GSR: variants seen among roughly 807,000 people sequenced by gnomAD.
The protein encoded by GSR is glutathione-disulfide reductase.
In GSR, 48 loss-of-function variants were observed where a neutral mutation model predicts 56.5. That is an observed-to-expected ratio of 0.85 (90% CI 0.67 to 1.08). GSR has a LOEUF of 1.08. Among genes scored for constraint, GSR ranks in the 50% least tolerant of loss-of-function variants. The pLI is 0.00. For synonymous variants in GSR, 264 were observed against 270.8 expected (o/e 0.97, Z 0.25); for missense variants, 694 against 703.3 (o/e 0.99, Z 0.15).
At chr8:30,700,989 T>C (rs1803717812) in intron 5 of GSR, among the ~76,000 whole-genome samples, 1 of 152,102 alleles carries the variant, frequency 6.6e-6, no homozygotes, top group African/African-American at 2.4e-5. Context: ...GCCACACAAT[T>C]TTACATTGGC....
intron 4 of GSR, among the ~76,000 whole-genome samples, chr8:30,703,466 C>T (rs1168421729): frequency 6.6e-6 from 1 of 152,076 alleles, no homozygotes; most frequent in Non-Finnish European, 1.5e-5. Flanking sequence ...ATGAAATAGG[C>T]TGGGCACAGG....
At position 30,689,297 on chromosome 8, in the gene GSR, A is replaced by C. The variant is rs183908981; in HGVS notation, c.905T>G (p.Leu302Trp). ...FSQVKEVKKTLSGLEVSMVTA... is the reference protein window; with the variant it reads ...FSQVKEVKKTWSGLEVSMVTA... ...AACCATGCTGACTTCCAAGCCCGAC[A>C]AAGTCTTTTTAACCTCCTTGACCTA... The change falls in exon 9 of 13, where the codon TTG becomes TGG. Residue 302 changes from leucine (L) to tryptophan (W), a missense_variant. Transcript: ENST00000221130. 2.5e-6 allele frequency: 4 copies of C among 1,614,156 alleles called. No homozygotes were observed. The East Asian group carries it at 8.9e-5, about 36-fold the overall frequency.
chr8:30,693,350 T>C (rs1174564054), intron 7 of GSR, among the ~76,000 whole-genome samples: 2 of 152,142 alleles, frequency 1.3e-5, no homozygotes, highest in Non-Finnish European at 2.9e-5. Context: ...GGAACAGAAA[T>C]TCTCTTTCCA....
rs1802863893 is a variant in GSR, at chr8:30,679,433, A to G, written c.*87T>C. ...CCTGATTAAAATAAAGAAATACATA[A>G]AACTCAAACAGTAAGTCAATGTGAT... is the stretch of plus-strand genomic sequence containing the variant. On this transcript the variant is annotated 3_prime_UTR_variant, in exon 13 of 13. Coordinates refer to ENST00000221130, the MANE Select transcript of GSR (RefSeq NM_000637.5). The G allele has an allele frequency of 7.7e-7, 1 of 1,300,066 alleles. No homozygotes were observed. Among genetic ancestry groups the G allele is most frequent in the Admixed American group, 1.9e-5 (1 of 53,710 alleles). 80.5% of individuals were successfully genotyped at this position (1,300,066 alleles called of 1,614,324 possible). A position where few individuals can be genotyped will look rare whatever the true frequency, so the allele number is the denominator to read the frequency against.
At position 30,692,196 on chromosome 8, in the gene GSR, C is replaced by CTTTTTTTTT. The variant is rs71206279; in HGVS notation, c.882+764_882+772dup. On this transcript the variant is annotated intron_variant, in intron 8 of 12. Coordinates refer to ENST00000221130, the MANE Select transcript of GSR (RefSeq NM_000637.5). The stretch of plus-strand genomic sequence containing the variant: ...CTTCAAGGCTGAATGTAAAATACAG[C>CTTTTTTTTT]TTTTTTTTTTTTTTTTTTTTTTTTT... 5.4e-4 allele frequency among the ~76,000 whole-genome samples: 41 copies of CTTTTTTTTT among 76,432 alleles called. 2 individuals carry two copies. Among genetic ancestry groups the CTTTTTTTTT allele is most frequent in the Non-Finnish European group, 7.0e-4 (30 of 42,978 alleles). 50.1% of individuals were successfully genotyped at this position (76,432 alleles called of 152,430 possible).
chr8:30,694,687 G>A (rs1193815738), intron 7 of GSR, among the ~76,000 whole-genome samples: 1 of 151,980 alleles, frequency 6.6e-6, no homozygotes, highest in East Asian at 1.9e-4. Context: ...ACTTTGGGAG[G>A]CCGAGGTGGG....
Position 30,708,230 on chromosome 8 carries a change from G to A in GSR, c.423-89C>T. On this transcript the variant is annotated intron_variant, in intron 3 of 12. Coordinates refer to ENST00000221130, the MANE Select transcript of GSR (RefSeq NM_000637.5). The stretch of plus-strand genomic sequence containing the variant: ...CATCTGTCCCTGAACACCCCGAGCA[G>A]AGAATCACTGACTGTCAACAGCAAC... 3.3e-6 allele frequency: 3 copies of A among 912,696 alleles called. No individual in the cohort carries two copies. In the South Asian group the frequency reaches 3.9e-5, roughly 12 times the overall value. The allele number at this position is 912,696 out of a possible 1,614,324, so 56.5% of individuals were successfully genotyped here.
chr8:30,689,653 T>C (rs915858257), intron 8 of GSR, among the ~76,000 whole-genome samples: 2 of 151,328 alleles, frequency 1.3e-5, no homozygotes, highest in South Asian at 4.2e-4. Flanking sequence ...AACCTAAGCA[T>C]AGTGCTTTGA....
chr8:30,680,381 G>GTTT (rs34342136), intron 12 of GSR, among the ~76,000 whole-genome samples: 20 of 33,356 alleles, frequency 6.0e-4, no homozygotes, highest in South Asian at 3.9e-3. Flanking sequence ...GGCCTCTCCT[G>GTTT]TTTTTTTTTT....
intron 7 of GSR, among the ~76,000 whole-genome samples, chr8:30,693,538 TA>T (rs202086521): frequency 0.02 from 2,972 of 149,260 alleles, 42 homozygotes; most frequent in Non-Finnish European, 0.029. Context: ...CTTTTATTTT[TA>T]TTTTTTTGAG....
chr8:30,702,286 C>T (rs957702975), intron 5 of GSR, among the ~76,000 whole-genome samples: 1 of 151,940 alleles, frequency 6.6e-6, no homozygotes, highest in Non-Finnish European at 1.5e-5. Flanking sequence ...TGCCACTGCA[C>T]TCCAGCCTGG....
Position 30,689,204 on chromosome 8 carries a change from A to G in GSR, c.998T>C (p.Ile333Thr), listed in dbSNP as rs201269023. ...IPDVDCLLWA[I>T]GRVPNTKDLS... The stretch of plus-strand genomic sequence containing the variant: ...GTCCTTGGTATTCGGGACCCGCCCA[A>G]TGGCCCAGAGCAGGCAGTCAACATC... The change falls in exon 9 of 13, where the codon ATT becomes ACT. Residue 333 changes from isoleucine to threonine, a missense_variant. Transcript: ENST00000221130. The G allele has an allele frequency of 1.7e-5, 28 of 1,614,096 alleles. No homozygotes were observed. The highest frequency in any genetic ancestry group is 1.1e-4 in the South Asian group (10 of 91,084).
At chr8:30,720,801 A>G (rs1804508896) in intron 1 of GSR, among the ~76,000 whole-genome samples, 1 of 152,228 alleles carries the variant, frequency 6.6e-6, no homozygotes, top group Non-Finnish European at 1.5e-5. Context: ...TGAACCTTCC[A>G]GTCTCAGGAA....
At chr8:30,708,766 C>T (rs1804004349) in intron 3 of GSR, among the ~76,000 whole-genome samples, 1 of 151,232 alleles carries the variant, frequency 6.6e-6, no homozygotes, top group Non-Finnish European at 1.5e-5. Context: ...ATCATTCTGG[C>T]TAACACAGTG....
At chr8:30,699,264 C>G (rs1344247327) in intron 6 of GSR, among the ~76,000 whole-genome samples, 1 of 151,850 alleles carries the variant, frequency 6.6e-6, no homozygotes, top group African/African-American at 2.4e-5. Context: ...GCACTCCTGC[C>G]TGGGCGATGG....
At position 30,727,830 on chromosome 8, in the gene GSR, G is replaced by C; in HGVS notation, c.6C>G (p.Ala2=). 2.5e-6 allele frequency: 3 copies of C among 1,223,736 alleles called. No homozygotes were observed. The highest frequency in any genetic ancestry group is 3.0e-6 in the Non-Finnish European group (3 of 985,434). The allele number at this position is 1,223,736 out of a possible 1,614,324, so 75.8% of individuals were successfully genotyped here. A position where few individuals can be genotyped will look rare whatever the true frequency, so the allele number is the denominator to read the frequency against. M[A]LLPRALSAGA... ...CGGCGCTCAGGGCTCGGGGCAGCAG[G>C]GCCATGCACGCGGAAGTGGCGCGCC... The change falls in exon 1 of 13, where the codon GCC becomes GCG. Residue 2 remains alanine, a synonymous_variant. Transcript: ENST00000221130.
At chr8:30,686,304 C>T (rs896476902) in intron 9 of GSR, among the ~76,000 whole-genome samples, 1 of 151,870 alleles carries the variant, frequency 6.6e-6, no homozygotes, top group African/African-American at 2.4e-5. Context: ...AGACCTAGCA[C>T]ATAGTAATCA....
At chr8:30,702,029 C>T (rs1274229871) in intron 5 of GSR, among the ~76,000 whole-genome samples, 1 of 151,828 alleles carries the variant, frequency 6.6e-6, no homozygotes, top group Admixed American at 6.6e-5. Context: ...GAGCAAGACC[C>T]TGTCTCAAAA....
intron 4 of GSR, among the ~76,000 whole-genome samples, chr8:30,707,827 C>A (rs1803966203): frequency 6.6e-6 from 1 of 152,000 alleles, no homozygotes; most frequent in Non-Finnish European, 1.5e-5. Context: ...TGTGGTGGCA[C>A]ACGCCTGTAG....
Sources: allele counts gnomAD v4.1 joint callset (sites outside exome capture counted in the v4.1 genomes callset), GRCh38; gene constraint gnomAD v4.1.1; transcripts MANE v1.5; gene names NCBI Gene and HGNC (gene_info 2026-07-23, HGNC 2026-07-21).